The following CELF2 variants were observed in gnomAD, a reference collection of about 807,000 sequenced individuals.
CELF2 encodes CUGBP Elav-like family member 2.
Under a neutral mutation model 62.6 loss-of-function variants are expected in CELF2, and 8 were observed. The ratio of observed to expected loss-of-function variants is 0.13; its 90% CI spans 0.07 to 0.23. CELF2 has a LOEUF of 0.23. Ranked by LOEUF, CELF2 falls within the 10% of genes least tolerant of loss-of-function variation. CELF2 has a pLI of 1.00. For synonymous variants in CELF2, 258 were observed against 250.0 expected (o/e 1.03, Z -0.30); for missense variants, 333 against 671.0 (o/e 0.50, Z 5.56).
chr10:10,791,222 T>C, the CELF2 span, among the ~76,000 whole-genome samples: 1 of 152,106 alleles, frequency 6.6e-6, no homozygotes, highest in African/African-American at 2.4e-5. Flanking sequence ...AAATATTTTA[T>C]AGTCTACATA....
At chr10:11,167,166 T>C (rs1412495699) in intron 2 of CELF2, among the ~76,000 whole-genome samples, 1 of 152,260 alleles carries the variant, frequency 6.6e-6, no homozygotes, top group Non-Finnish European at 1.5e-5. Context: ...ATTGGACATA[T>C]TCTGATACTG....
chr10:11,252,827 A>C (rs1271318280), intron 4 of CELF2, among the ~76,000 whole-genome samples: 1 of 152,216 alleles, frequency 6.6e-6, no homozygotes, highest in East Asian at 1.9e-4. Context: ...TAAGAGGAGC[A>C]CACTGAGTAA....
chr10:11,165,254 C>T lies in CELF2; in HGVS notation c.75-232C>T, dbSNP rs1370617638. 7.3e-7 allele frequency: 1 copy of T among 1,369,360 alleles called. No homozygotes were observed. Among genetic ancestry groups the T allele is most frequent in the Non-Finnish European group, 9.4e-7 (1 of 1,060,392 alleles). The allele number at this position is 1,369,360 out of a possible 1,614,324, so 84.8% of individuals were successfully genotyped here. On this transcript the variant is annotated intron_variant, in intron 1 of 12. Transcript: ENST00000633077. This position sits in a 1 kb window ranked among gnomAD's most constrained non-coding sequence, Gnocchi z 7.4. ...AGGCGGCAGGGCGCTGCCCCGTGCT[C>T]CCCCGGCTCTGCTCGACAGCAGCAC...
the CELF2 span, among the ~76,000 whole-genome samples, chr10:10,691,491 G>A: frequency 2.6e-5 from 4 of 151,334 alleles, no homozygotes; most frequent in African/African-American, 9.7e-5. Context: ...CTTTATAGCA[G>A]CATGATTTAT....
At chr10:10,851,169 A>G (rs953779168) in intron 1 of CELF2, among the ~76,000 whole-genome samples, 2 of 152,226 alleles carry the variant, frequency 1.3e-5, no homozygotes, top group African/African-American at 4.8e-5. Flanking sequence ...AAGCAGAGGC[A>G]TAATCCATAT....
intron 8 of CELF2, among the ~76,000 whole-genome samples, chr10:11,277,828 A>T (rs2139039520): frequency 6.6e-6 from 1 of 152,342 alleles, no homozygotes; most frequent in Admixed American, 6.5e-5. Flanking sequence ...GTGCTTATTG[A>T]GTGATTGATA....
At chr10:10,763,847 C>A in the CELF2 span, among the ~76,000 whole-genome samples, 1 of 152,182 alleles carries the variant, frequency 6.6e-6, no homozygotes. Flanking sequence ...CATCATATCA[C>A]CTGAACCATG....
the CELF2 span, among the ~76,000 whole-genome samples, chr10:10,713,337 T>C: frequency 6.6e-6 from 1 of 152,252 alleles, no homozygotes; most frequent in Admixed American, 6.5e-5. Flanking sequence ...CAGCAGTGAC[T>C]CTACGGTGTT....
At chr10:10,603,711 G>A in the CELF2 span, among the ~76,000 whole-genome samples, 1 of 152,030 alleles carries the variant, frequency 6.6e-6, no homozygotes, top group East Asian at 1.9e-4. Context: ...TAGGTCTCTA[G>A]TGTTATTACA....
chr10:11,207,002 C>T lies in CELF2; in HGVS notation c.272-10423C>T, dbSNP rs555445507. Among the ~76,000 whole-genome samples the T allele has an allele frequency of 7.9e-5, 12 of 152,336 alleles. No homozygotes were observed. Among genetic ancestry groups the T allele is most frequent in the Admixed American group, 5.9e-4 (9 of 15,308 alleles). On this transcript the variant is annotated intron_variant, in intron 2 of 12. Coordinates refer to ENST00000633077, the MANE Select transcript of CELF2 (RefSeq NM_001326342.2). This position sits in a 1 kb window ranked among gnomAD's most constrained non-coding sequence, Gnocchi z 4.1. ...AAAAAGGATGATGCTGAAATTCTTCCAATGCTTTCATAGCTATTAGACAAT... is the reference window on the plus strand; with the variant it reads ...AAAAAGGATGATGCTGAAATTCTTCTAATGCTTTCATAGCTATTAGACAAT...
chr10:11,136,642 A>G (rs1476626271), intron 1 of CELF2, among the ~76,000 whole-genome samples: 1 of 152,154 alleles, frequency 6.6e-6, no homozygotes, highest in Non-Finnish European at 1.5e-5. Context: ...AATATAAAGA[A>G]AAAAACGAAG....
chr10:11,028,422 CTT>C (rs5742072), intron 1 of CELF2, among the ~76,000 whole-genome samples: 94,545 of 135,636 alleles, frequency 0.7, 35,478 homozygotes, highest in East Asian at 0.89. Context: ...TTTTCTTTTT[CTT>C]TTTTTTTTTT....
rs900046386 is a variant in CELF2, at chr10:11,242,197, C to T, written c.355-6956C>T. On this transcript the variant is annotated intron_variant, in intron 3 of 12. Coordinates refer to ENST00000633077, the MANE Select transcript of CELF2 (RefSeq NM_001326342.2). This position sits in a 1 kb window ranked among gnomAD's most constrained non-coding sequence, Gnocchi z 4.8. ...TCAGGATGGGTTTAATAATGAGATG[C>T]GTAACAGTGACTCTGTAAAAACCCA... Among the ~76,000 whole-genome samples the T allele has an allele frequency of 3.3e-5, 5 of 152,098 alleles. No homozygotes were observed. Among genetic ancestry groups the T allele is most frequent in the Non-Finnish European group, 7.4e-5 (5 of 68,022 alleles).
At chr10:10,618,812 T>C in the CELF2 span, among the ~76,000 whole-genome samples, 3 of 152,098 alleles carry the variant, frequency 2.0e-5, no homozygotes, top group South Asian at 2.1e-4. Context: ...GCTCTCTCTC[T>C]TGCAGAGAGA....
chr10:10,839,543 T>G (rs186834642), intron 1 of CELF2, among the ~76,000 whole-genome samples: 1 of 152,346 alleles, frequency 6.6e-6, no homozygotes, highest in East Asian at 1.9e-4. Flanking sequence ...GCAGTGCTTA[T>G]GTACAGCTTC....
the CELF2 span, among the ~76,000 whole-genome samples, chr10:10,653,802 A>G: frequency 2.0e-5 from 3 of 147,916 alleles, no homozygotes; most frequent in African/African-American, 7.5e-5. Flanking sequence ...ATCACAATTA[A>G]AAGAACTGGA....
At chr10:10,890,904 A>C (rs1315490379) in intron 1 of CELF2, among the ~76,000 whole-genome samples, 1 of 152,116 alleles carries the variant, frequency 6.6e-6, no homozygotes, top group Non-Finnish European at 1.5e-5. Context: ...AATTCCAGCT[A>C]CTCGGGAGGC....
In CELF2 at chr10:11,177,044, TGGTTGCA is replaced by T; in HGVS notation, c.271+11364_271+11370del. Among the ~76,000 whole-genome samples, 1 of 152,304 alleles carries T rather than the reference TGGTTGCA, an allele frequency of 6.6e-6. No homozygotes were observed. Among genetic ancestry groups the T allele is most frequent in the Middle Eastern group, 3.4e-3 (1 of 294 alleles). ...CCTGCACCCTTCCTGGAATCACCAC[TGGTTGCA>T]GAAGCCTATATAGGGTGGCTCATTT... On this transcript the variant is annotated intron_variant, in intron 2 of 12. Coordinates refer to ENST00000633077, the MANE Select transcript of CELF2 (RefSeq NM_001326342.2). The surrounding 1 kb of genome is among the most constrained non-coding windows in gnomAD (Gnocchi z 4.8).
At chr10:11,174,722 A>G (rs1387769851) in intron 2 of CELF2, among the ~76,000 whole-genome samples, 1 of 152,258 alleles carries the variant, frequency 6.6e-6, no homozygotes, top group Admixed American at 6.5e-5. Flanking sequence ...CATGTGGGTC[A>G]AAACCTGTCT....
Sources: gnomAD v4.1 joint callset for allele counts (sites outside exome capture counted in the v4.1 genomes callset) on GRCh38, gnomAD v4.1.1 for gene constraint, Gnocchi (gnomAD v3.1) non-coding constraint, MANE v1.5 for transcripts, NCBI Gene and HGNC (gene_info 2026-07-23, HGNC 2026-07-21) for gene names.